Variants in GRXCR1 observed in about 807,000 individuals in gnomAD.
GRXCR1 encodes glutaredoxin and cysteine rich domain containing 1.
Under a neutral mutation model 27.3 loss-of-function variants are expected in GRXCR1, and 27 were observed. The observed-to-expected ratio is 0.99, with a 90% confidence interval of 0.73 to 1.37. The LOEUF is 1.37. Among genes scored for constraint, GRXCR1 ranks in the 40% most tolerant of loss-of-function variants. The pLI is 0.00. For synonymous variants in GRXCR1, 122 were observed against 131.1 expected (o/e 0.93, Z 0.47); for missense variants, 379 against 354.4 (o/e 1.07, Z -0.56).
chr4:43,009,314 C>A (rs1220578633), intron 2 of GRXCR1, among the ~76,000 whole-genome samples: 1 of 152,142 alleles, frequency 6.6e-6, no homozygotes, highest in Non-Finnish European at 1.5e-5. Context: ...ATTATTGCCA[C>A]CCTGTTTCAC....
At position 42,921,509 on chromosome 4, in the gene GRXCR1, C is replaced by A. The variant is rs1747009758; in HGVS notation, c.384+27859C>A. The stretch of plus-strand genomic sequence containing the variant: ...CTATGATGGCAGACATTGAATAATT[C>A]TCTAGTTAGAATTCATGGGCAGAGT... On this transcript the variant is annotated intron_variant, in intron 1 of 3. Coordinates refer to ENST00000399770, the MANE Select transcript of GRXCR1 (RefSeq NM_001080476.3). Among the ~76,000 whole-genome samples, 3 of 151,986 alleles carry A rather than the reference C, an allele frequency of 2.0e-5. 1 individual carries two copies. The highest frequency in any genetic ancestry group is 2.0e-4 in the Admixed American group (3 of 15,246).
In GRXCR1 at chr4:42,922,250, T is replaced by A. The variant is rs750760524; in HGVS notation, c.384+28600T>A. Among the ~76,000 whole-genome samples the A allele has an allele frequency of 2.0e-5, 3 of 152,150 alleles. No individual in the cohort carries two copies. In the East Asian group the frequency reaches 5.8e-4, roughly 29 times the overall value. On this transcript the variant is annotated intron_variant, in intron 1 of 3. Coordinates refer to ENST00000399770, the MANE Select transcript of GRXCR1 (RefSeq NM_001080476.3). ...ATGGTGGCATGGGATACACTGTCAC[T>A]GCCCCTGCCTCCTGGTCTGTCTGTG...
chr4:42,953,055 C>A (rs893021), intron 1 of GRXCR1, among the ~76,000 whole-genome samples: 55,113 of 151,886 alleles, frequency 0.36, 10,227 homozygotes, highest in African/African-American at 0.43. Flanking sequence ...GTATCTTGAT[C>A]CAAAAAGCCA....
At chr4:42,952,430 C>T (rs1465546219) in intron 1 of GRXCR1, among the ~76,000 whole-genome samples, 1 of 152,026 alleles carries the variant, frequency 6.6e-6, no homozygotes, top group African/African-American at 2.4e-5. Context: ...ACCAACAAAG[C>T]TGACTATACC....
chr4:42,915,437 T>C (rs771521000), intron 1 of GRXCR1, among the ~76,000 whole-genome samples: 26 of 152,204 alleles, frequency 1.7e-4, no homozygotes, highest in Non-Finnish European at 3.4e-4. Flanking sequence ...TTGTCTTTAA[T>C]GAAAAGATAT....
At chr4:42,969,511 G>T (rs1748331927) in intron 2 of GRXCR1, among the ~76,000 whole-genome samples, 1 of 152,168 alleles carries the variant, frequency 6.6e-6, no homozygotes. Context: ...CATGGCAGAA[G>T]GTGAAGGGAA....
intron 2 of GRXCR1, among the ~76,000 whole-genome samples, chr4:42,978,409 T>A (rs183451116): frequency 3.3e-4 from 50 of 152,196 alleles, no homozygotes; most frequent in African/African-American, 1.1e-3. Flanking sequence ...GTAGGGACAT[T>A]TTATTAATAT....
chr4:42,957,763 T>A (rs1212838071), intron 1 of GRXCR1, among the ~76,000 whole-genome samples: 1 of 151,758 alleles, frequency 6.6e-6, no homozygotes, highest in Admixed American at 6.6e-5. Flanking sequence ...CTTCAGAATT[T>A]CTGCTTGATT....
At chr4:43,014,426 G>A (rs1712866852) in intron 2 of GRXCR1, among the ~76,000 whole-genome samples, 1 of 152,120 alleles carries the variant, frequency 6.6e-6, no homozygotes, top group Admixed American at 6.6e-5. Context: ...CTTTTGGCAG[G>A]CATCATGCTA....
intron 1 of GRXCR1, among the ~76,000 whole-genome samples, chr4:42,957,650 T>C (rs1362751289): frequency 6.6e-6 from 1 of 151,812 alleles, no homozygotes; most frequent in Non-Finnish European, 1.5e-5. Context: ...GACTATGTAG[T>C]TTCAAATAGC....
intron 3 of GRXCR1, among the ~76,000 whole-genome samples, chr4:43,025,435 GTATC>G (rs1211154993): frequency 1.3e-5 from 2 of 152,170 alleles, no homozygotes; most frequent in Non-Finnish European, 2.9e-5. Context: ...CACTCACTGA[GTATC>G]TATCTTTTAA....
intron 2 of GRXCR1, among the ~76,000 whole-genome samples, chr4:42,995,075 C>T (rs899413588): frequency 6.6e-6 from 1 of 152,062 alleles, no homozygotes; most frequent in Middle Eastern, 3.4e-3. Context: ...AAGCATTTTT[C>T]ATTTTTTCCT....
intron 1 of GRXCR1, among the ~76,000 whole-genome samples, chr4:42,912,694 T>C (rs1028394591): frequency 3.5e-4 from 54 of 152,178 alleles, no homozygotes; most frequent in African/African-American, 1.2e-3. Context: ...TAAAAAGTAT[T>C]GGGACATTGG....
intron 1 of GRXCR1, among the ~76,000 whole-genome samples, chr4:42,911,437 C>T (rs530036483): frequency 6.3e-4 from 95 of 151,924 alleles, no homozygotes; most frequent in Non-Finnish European, 1.0e-3. Context: ...ATGTATCAAA[C>T]GATGAATAAG....
At chr4:43,029,487 ACC>A (rs1713355169) in intron 3 of GRXCR1, among the ~76,000 whole-genome samples, 1 of 152,122 alleles carries the variant, frequency 6.6e-6, no homozygotes, top group African/African-American at 2.4e-5. Flanking sequence ...CTGTAATGGC[ACC>A]TAATCTCCCC....
chr4:42,964,233 TA>T (rs997366164), intron 2 of GRXCR1, among the ~76,000 whole-genome samples: 1 of 151,856 alleles, frequency 6.6e-6, no homozygotes, highest in African/African-American at 2.4e-5. Flanking sequence ...ACAATCATGG[TA>T]AAAAAATAAA....
In GRXCR1 at chr4:42,943,942, C is replaced by T. The variant is rs531471046; in HGVS notation, c.385-18950C>T. Among the ~76,000 whole-genome samples the T allele has an allele frequency of 2.0e-4, 31 of 151,992 alleles. No homozygotes were observed. In the South Asian group the frequency reaches 6.5e-3, roughly 32 times the overall value. On this transcript the variant is annotated intron_variant, in intron 1 of 3. Transcript: ENST00000399770. ...CCCTCCAGAAATTAAAAATGTGATC[C>T]AAAATATCAATGGTGCTAAGGTTGA... is the stretch of plus-strand genomic sequence containing the variant.
At chr4:42,897,409 T>C (rs10006782) in intron 1 of GRXCR1, among the ~76,000 whole-genome samples, 47,658 of 151,908 alleles carry the variant, frequency 0.31, 8,319 homozygotes, top group Middle Eastern at 0.4. Context: ...TTAAAATTAC[T>C]GTATTAGAGA....
intron 2 of GRXCR1, among the ~76,000 whole-genome samples, chr4:42,964,949 C>A (rs1333419767): frequency 6.6e-6 from 1 of 151,988 alleles, no homozygotes; most frequent in Non-Finnish European, 1.5e-5. Flanking sequence ...AAATGTCTGA[C>A]AATGTAAGAC....
Sources: gnomAD v4.1 joint callset for allele counts (sites outside exome capture counted in the v4.1 genomes callset) on GRCh38, gnomAD v4.1.1 for gene constraint, MANE v1.5 for transcripts, NCBI Gene and HGNC (gene_info 2026-07-23, HGNC 2026-07-21) for gene names.